Variants in ANK3 observed in about 807,000 individuals in gnomAD.
ANK3 encodes the protein ankyrin-3.
Under a neutral mutation model 370.9 loss-of-function variants are expected in ANK3, and 57 were observed. That is an observed-to-expected ratio of 0.15 (90% CI 0.12 to 0.19). The LOEUF (loss-of-function observed/expected upper bound fraction) is 0.19. ANK3 is among the 10% of genes least tolerant of loss of function. ANK3 has a pLI of 1.00. For missense variants in ANK3, 4,439 were observed against 5,302.1 expected, an observed-to-expected ratio of 0.84 and a Z score of 5.06; for synonymous variants, 1,929 against 1,946.3, an observed-to-expected ratio of 0.99 and a Z score of 0.23.
At chr10:60,227,965 G>A (rs1565833664) in intron 8 of ANK3, among the ~76,000 whole-genome samples, 1 of 152,066 alleles carries the variant, frequency 6.6e-6, no homozygotes, top group Admixed American at 6.6e-5. Context: ...TATTATGTAT[G>A]ATATGTTATA....
intron 2 of ANK3, among the ~76,000 whole-genome samples, chr10:60,420,288 A>T (rs896764968): frequency 6.6e-6 from 1 of 152,124 alleles, no homozygotes; most frequent in Non-Finnish European, 1.5e-5. Flanking sequence ...GTGGCTCCCA[A>T]ATCGCTTGTA....
chr10:60,476,008 C>A (rs1205918409), intron 2 of ANK3, among the ~76,000 whole-genome samples: 2 of 152,114 alleles, frequency 1.3e-5, no homozygotes, highest in African/African-American at 4.8e-5. Context: ...TTGGTTAAAT[C>A]AAAACAACAG....
chr10:60,333,920 G>T, intron 1 of ANK3, among the ~76,000 whole-genome samples: 1 of 151,954 alleles, frequency 6.6e-6, no homozygotes. Context: ...TCTGAACCTG[G>T]GATACTATTT....
chr10:60,101,010 T>C (rs1251187446), intron 28 of ANK3, among the ~76,000 whole-genome samples: 2 of 152,206 alleles, frequency 1.3e-5, no homozygotes, highest in Non-Finnish European at 2.9e-5. Context: ...CCTGAAATCT[T>C]GACCTCAAGC....
At chr10:60,249,053 T>C (rs1342613392) in intron 7 of ANK3, among the ~76,000 whole-genome samples, 1 of 152,238 alleles carries the variant, frequency 6.6e-6, no homozygotes, top group Non-Finnish European at 1.5e-5. Flanking sequence ...GGTTTTTCTT[T>C]ATATTTCTTT....
chr10:60,479,475 C>T (rs1438793279), intron 2 of ANK3, among the ~76,000 whole-genome samples: 1 of 152,104 alleles, frequency 6.6e-6, no homozygotes, highest in Admixed American at 6.5e-5. Flanking sequence ...TGCCTAGCTG[C>T]ATTTCTCAGT....
At chr10:60,667,039 TA>T (rs1326167279) in intron 1 of ANK3, among the ~76,000 whole-genome samples, 1 of 151,760 alleles carries the variant, frequency 6.6e-6, no homozygotes, top group African/African-American at 2.4e-5. Flanking sequence ...CTGCAGGGAG[TA>T]TACTTACACT....
chr10:60,612,753 G>A (rs2133319752), intron 2 of ANK3, among the ~76,000 whole-genome samples: 1 of 152,214 alleles, frequency 6.6e-6, no homozygotes, highest in East Asian at 1.9e-4. Flanking sequence ...GGCTCACTCA[G>A]TTTTAATCAC....
At chr10:60,681,572 C>T (rs2079195532) in intron 1 of ANK3, among the ~76,000 whole-genome samples, 1 of 152,170 alleles carries the variant, frequency 6.6e-6, no homozygotes. Context: ...CCTATCCAGC[C>T]CCACCAGTCT....
At chr10:60,492,900 C>T (rs1465941643) in intron 2 of ANK3, among the ~76,000 whole-genome samples, 2 of 146,748 alleles carry the variant, frequency 1.4e-5, no homozygotes, top group Admixed American at 6.8e-5. Flanking sequence ...CACGGTGAAA[C>T]CCTGTCTCTA....
intron 2 of ANK3, among the ~76,000 whole-genome samples, chr10:60,466,221 A>G (rs1342406093): frequency 1.3e-5 from 2 of 152,200 alleles, no homozygotes; most frequent in African/African-American, 2.4e-5. Flanking sequence ...TAGTATCTGA[A>G]GGACTAGCTT....
intron 13 of ANK3, among the ~76,000 whole-genome samples, chr10:60,199,402 T>C (rs2096638460): frequency 6.6e-6 from 1 of 151,952 alleles, no homozygotes; most frequent in African/African-American, 2.4e-5. Flanking sequence ...CATGAGGAGT[T>C]AGGGAGATGC....
chr10:60,306,521 G>A (rs1449009146), intron 1 of ANK3, among the ~76,000 whole-genome samples: 1 of 151,234 alleles, frequency 6.6e-6, no homozygotes, highest in Non-Finnish European at 1.5e-5. Flanking sequence ...ATTGTGAATC[G>A]TGCTGATATA....
At chr10:60,386,862 G>T (rs964711570) in intron 1 of ANK3, among the ~76,000 whole-genome samples, 2 of 152,106 alleles carry the variant, frequency 1.3e-5, no homozygotes, top group African/African-American at 2.4e-5. Context: ...TTACTTTTAT[G>T]TGATTAAAAG....
rs1356259933 is a variant in ANK3 at position 60,075,699 on chromosome 10, A to G, written c.5182T>C (p.Ser1728Pro). 3.1e-6 allele frequency: 5 copies of G among 1,614,118 alleles called. No individual in the cohort carries two copies. The highest frequency in any genetic ancestry group is 3.3e-5 in the Admixed American group (2 of 60,012). ...GSISPLKYPSSSTLINGCKAT... is the reference protein window; with the variant it reads ...GSISPLKYPSPSTLINGCKAT... ...TTGCATCCATTAATTAAAGTTGAGG[A>G]TGATGGATATTTTAGAGGGGAAATA... Residue 1728 changes from serine to proline, a missense_variant, in exon 37 of 44, where the codon TCC becomes CCC. Ser to Pro is a moderately conservative substitution (Grantham distance 74). Around this residue, in one of 13 missense-constraint regions of ANK3, gnomAD observed 679 missense variants for 791.0 expected, o/e 0.86. Transcript: ENST00000280772.
At chr10:60,535,335 A>G (rs2076699900) in intron 2 of ANK3, among the ~76,000 whole-genome samples, 1 of 152,110 alleles carries the variant, frequency 6.6e-6, no homozygotes, top group African/African-American at 2.4e-5. Context: ...ATAGCAATGA[A>G]AAATACGTTC....
intron 43 of ANK3, among the ~76,000 whole-genome samples, chr10:60,035,545 G>A (rs576870612): frequency 6.3e-4 from 96 of 151,616 alleles, no homozygotes; most frequent in African/African-American, 2.1e-3. Context: ...GAGCCACTGC[G>A]CCCGGCCAAA....
chr10:60,341,363 G>T (rs975982487), intron 1 of ANK3, among the ~76,000 whole-genome samples: 1 of 151,926 alleles, frequency 6.6e-6, no homozygotes, highest in African/African-American at 2.4e-5. Context: ...TATCATTATT[G>T]TTATTTGCAT....
At chr10:60,622,792 G>A (rs1231217461) in intron 1 of ANK3, among the ~76,000 whole-genome samples, 1 of 152,168 alleles carries the variant, frequency 6.6e-6, no homozygotes, top group Non-Finnish European at 1.5e-5. Context: ...GAAGTTAAGT[G>A]AATCCTATCA....
Sources: allele counts gnomAD v4.1 joint callset (sites outside exome capture counted in the v4.1 genomes callset), GRCh38; gene constraint gnomAD v4.1.1; regional missense constraint gnomAD v4.1.1; transcripts MANE v1.5; gene names NCBI Gene and HGNC (gene_info 2026-07-23, HGNC 2026-07-21).